The following NR3C2 variants were observed in gnomAD, a reference collection of about 807,000 sequenced individuals.
The protein encoded by NR3C2 is nuclear receptor subfamily 3 group C member 2, also known as mineralocorticoid receptor.
NR3C2 carries 15 observed loss-of-function variants against 86.4 expected under a neutral mutation model. That is an observed-to-expected ratio of 0.17 (90% CI 0.12 to 0.27). NR3C2 has a LOEUF of 0.27. Among genes scored for constraint, NR3C2 ranks in the 10% least tolerant of loss-of-function variants. NR3C2 has a pLI of 1.00. For synonymous variants in NR3C2, 458 were observed against 450.5 expected, an observed-to-expected ratio of 1.02 and a Z score of -0.21; for missense variants, 960 against 1,195.6, an observed-to-expected ratio of 0.80 and a Z score of 2.91.
chr4:148,250,085 C>A (rs2149859058), intron 3 of NR3C2, among the ~76,000 whole-genome samples: 1 of 152,238 alleles, frequency 6.6e-6, no homozygotes, highest in East Asian at 1.9e-4. Context: ...CTAAGTGGGG[C>A]AGACTCTGGA....
intron 2 of NR3C2, among the ~76,000 whole-genome samples, chr4:148,348,938 CAAGTGTT>C (rs1579190488): frequency 6.6e-6 from 1 of 152,102 alleles, no homozygotes; most frequent in African/African-American, 2.4e-5. Context: ...CAACCATATT[CAAGTGTT>C]AAGGTTACCT....
At chr4:148,110,425 C>A (rs1355218507) in intron 8 of NR3C2, among the ~76,000 whole-genome samples, 1 of 152,190 alleles carries the variant, frequency 6.6e-6, no homozygotes, top group Non-Finnish European at 1.5e-5. Flanking sequence ...AACAAATGCT[C>A]TTTTTTCCAC....
At chr4:148,373,872 C>A (rs1368061790) in intron 2 of NR3C2, among the ~76,000 whole-genome samples, 1 of 152,180 alleles carries the variant, frequency 6.6e-6, no homozygotes, top group East Asian at 1.9e-4. Flanking sequence ...GTGAAACAGA[C>A]ATCCTATTAT....
intron 4 of NR3C2, among the ~76,000 whole-genome samples, chr4:148,192,511 G>C (rs990547904): frequency 1.3e-5 from 2 of 152,184 alleles, no homozygotes; most frequent in African/African-American, 4.8e-5. Flanking sequence ...AGTGTGCTGA[G>C]GGAACTGTGA....
At chr4:148,289,273 CAAAA>C (rs34696054) in intron 2 of NR3C2, among the ~76,000 whole-genome samples, 1 of 130,856 alleles carries the variant, frequency 7.6e-6, no homozygotes, top group Non-Finnish European at 1.6e-5. Flanking sequence ...TATTTACAGC[CAAAA>C]AAAAAAAAAA....
intron 6 of NR3C2, among the ~76,000 whole-genome samples, chr4:148,132,653 G>C (rs912365679): frequency 6.6e-6 from 1 of 152,210 alleles, no homozygotes; most frequent in African/African-American, 2.4e-5. Flanking sequence ...CAGAAGAACA[G>C]GCTCTAAGTG....
intron 4 of NR3C2, among the ~76,000 whole-genome samples, chr4:148,165,556 A>C (rs61757920): frequency 0.09 from 13,746 of 152,158 alleles, 723 homozygotes; most frequent in South Asian, 0.17. Context: ...ATTACTTAAC[A>C]TATATTATCA....
At chr4:148,103,418 C>T (rs1731631259) in intron 8 of NR3C2, among the ~76,000 whole-genome samples, 1 of 152,214 alleles carries the variant, frequency 6.6e-6, no homozygotes, top group African/African-American at 2.4e-5. Flanking sequence ...GCCTCCCCTG[C>T]CAGTAGACTC....
chr4:148,365,239 A>G (rs1746051881), intron 2 of NR3C2, among the ~76,000 whole-genome samples: 1 of 152,194 alleles, frequency 6.6e-6, no homozygotes, highest in South Asian at 2.1e-4. Flanking sequence ...GGGATGCTGA[A>G]TATACTGTGT....
chr4:148,304,114 A>G (rs1189873097), intron 2 of NR3C2, among the ~76,000 whole-genome samples: 2 of 150,080 alleles, frequency 1.3e-5, no homozygotes, highest in African/African-American at 4.9e-5. Flanking sequence ...ACCCCTTTCC[A>G]ATGCATCCTG....
At chr4:148,150,154 C>T (rs528623064) in intron 6 of NR3C2, among the ~76,000 whole-genome samples, 7 of 152,278 alleles carry the variant, frequency 4.6e-5, no homozygotes, top group East Asian at 3.9e-4. Flanking sequence ...TGCCCATTAA[C>T]GGATGATTGG....
chr4:148,404,606 T>C (rs1328440295), intron 2 of NR3C2, among the ~76,000 whole-genome samples: 2 of 152,178 alleles, frequency 1.3e-5, no homozygotes, highest in African/African-American at 4.8e-5. Context: ...CCAGCACTTA[T>C]GATCTACCAT....
intron 6 of NR3C2, among the ~76,000 whole-genome samples, chr4:148,123,664 A>AT (rs1318314100): frequency 1.3e-5 from 2 of 152,216 alleles, no homozygotes. Flanking sequence ...GCCAACACTT[A>AT]TGGAAAATAG....
intron 8 of NR3C2, among the ~76,000 whole-genome samples, chr4:148,085,497 TC>T (rs1298418882): frequency 1.3e-5 from 2 of 152,208 alleles, no homozygotes; most frequent in Admixed American, 1.3e-4. Flanking sequence ...AAAGCAGTGT[TC>T]AGACGGAAAT....
intron 2 of NR3C2, among the ~76,000 whole-genome samples, chr4:148,386,228 C>T (rs1033675184): frequency 7.9e-5 from 12 of 152,190 alleles, no homozygotes; most frequent in Non-Finnish European, 1.8e-4. Flanking sequence ...CCTCTCTCCA[C>T]AGCTCTGAAC....
At chr4:148,427,817 A>C (rs549562589) in intron 2 of NR3C2, among the ~76,000 whole-genome samples, 1 of 152,304 alleles carries the variant, frequency 6.6e-6, no homozygotes, top group East Asian at 1.9e-4. Context: ...GGACAAGGCA[A>C]AGGGACACAG....
intron 2 of NR3C2, among the ~76,000 whole-genome samples, chr4:148,340,265 T>TAC (rs1433279606): frequency 6.6e-6 from 1 of 152,040 alleles, no homozygotes; most frequent in Non-Finnish European, 1.5e-5. Context: ...CAAAATATAC[T>TAC]ACAAAGCCAT....
rs1368902321 is a variant in NR3C2, at chr4:148,080,111, G to A, written c.*1233C>T. On this transcript the variant is annotated 3_prime_UTR_variant, in exon 9 of 9. Coordinates refer to ENST00000358102, the MANE Select transcript of NR3C2 (RefSeq NM_000901.5). Reference sequence around the variant, plus strand: ...GAAACGAGGCAGCTTTCCCAAAGCTGCAGCACTCCAAGGACCTCCTCTCCC... The same window carrying A: ...GAAACGAGGCAGCTTTCCCAAAGCTACAGCACTCCAAGGACCTCCTCTCCC... The A allele has an allele frequency of 6.6e-6, 1 of 152,216 alleles. No homozygotes were observed. Among genetic ancestry groups the A allele is most frequent in the African/African-American group, 2.4e-5 (1 of 41,450 alleles). The allele number at this position is 152,216 out of a possible 1,614,324, so 9.4% of individuals were successfully genotyped here.
At chr4:148,183,609 C>T (rs891717872) in intron 4 of NR3C2, among the ~76,000 whole-genome samples, 6 of 152,226 alleles carry the variant, frequency 3.9e-5, no homozygotes, top group South Asian at 4.2e-4. Context: ...TCCATTAACT[C>T]GCTTGTAAAA....
Sources: gnomAD v4.1 joint callset for allele counts (sites outside exome capture counted in the v4.1 genomes callset) on GRCh38, gnomAD v4.1.1 for gene constraint, MANE v1.5 for transcripts, NCBI Gene and HGNC (gene_info 2026-07-23, HGNC 2026-07-21) for gene names.